CDADC1: variants seen among roughly 807,000 people sequenced by gnomAD.
The protein encoded by CDADC1 is cytidine and dCMP deaminase domain containing 1.
CDADC1 carries 39 observed loss-of-function variants against 54.9 expected under a neutral mutation model. The observed-to-expected ratio is 0.71, with a 90% CI of 0.55 to 0.93. The LOEUF is 0.93. Among genes scored for constraint, CDADC1 ranks in the 40% least tolerant of loss-of-function variants. The probability of loss-of-function intolerance (pLI) is 0.00; values close to 1 mark genes in which losing one functional copy is unlikely to be tolerated. For missense variants in CDADC1, 518 were observed against 618.8 expected, an observed-to-expected ratio of 0.84 and a Z score of 1.73; for synonymous variants, 186 against 204.0, an observed-to-expected ratio of 0.91 and a Z score of 0.75.
At chr13:49,276,870 C>G (rs946466561) in intron 6 of CDADC1, among the ~76,000 whole-genome samples, 1 of 152,196 alleles carries the variant, frequency 6.6e-6, no homozygotes, top group Non-Finnish European at 1.5e-5. Context: ...GTGGTTGGAA[C>G]TCTCATTTGT....
Position 49,291,721 on chromosome 13 carries a change from G to T in CDADC1, c.1509G>T (p.Gln503His). Residue 503 changes from glutamine (Q) to histidine (H), a missense_variant, in exon 10 of 10, where the codon CAG (glutamine) becomes CAT (histidine). Gln to His is a conservative substitution (Grantham distance 24). Transcript: ENST00000251108. ...VLRPVPQKEE[Q>H]HQDKKLRLGI... ...GACCTGTCCCACAGAAGGAAGAGCA[G>T]CACCAGGACAAGAAGCTGCGCCTCG... The T allele has an allele frequency of 6.2e-7, 1 of 1,614,130 alleles. No homozygotes were observed.
Position 49,247,959 on chromosome 13 carries a change from C to T in CDADC1, c.-79C>T. ...TTGCCTTACAGTTGCTGAGAGGAGGCGAGAGGCGGGGGCGCTAGGGCCGAG... is the reference window on the plus strand; with the variant it reads ...TTGCCTTACAGTTGCTGAGAGGAGGTGAGAGGCGGGGGCGCTAGGGCCGAG... On this transcript the variant is annotated 5_prime_UTR_variant, in exon 1 of 10. Coordinates refer to ENST00000251108, the MANE Select transcript of CDADC1 (RefSeq NM_030911.4). 2 of 1,314,074 alleles carry T rather than the reference C, an allele frequency of 1.5e-6. No individual in the cohort carries two copies. Among genetic ancestry groups the T allele is most frequent in the Non-Finnish European group, 2.1e-6 (2 of 932,238 alleles). The allele number at this position is 1,314,074 out of a possible 1,614,324, so 81.4% of individuals were successfully genotyped here. A position where few individuals can be genotyped will look rare whatever the true frequency, so the allele number is the denominator to read the frequency against.
chr13:49,258,238 T>G (rs1260594402), intron 3 of CDADC1, among the ~76,000 whole-genome samples: 1 of 152,206 alleles, frequency 6.6e-6, no homozygotes, highest in African/African-American at 2.4e-5. Context: ...TGATTTCAGA[T>G]ATGCTGTATT....
rs1234393403 is a variant in CDADC1, at chr13:49,292,331, A to G, written c.*574A>G. ...TCCATTTTTAAAGTATATTTTGTAA[A>G]TGTTAATTCTGTGGTCCTGTTTATC... On this transcript the variant is annotated 3_prime_UTR_variant, in exon 10 of 10. Coordinates refer to ENST00000251108, the MANE Select transcript of CDADC1 (RefSeq NM_030911.4). 5.1e-6 allele frequency: 5 copies of G among 984,726 alleles called. No individual in the cohort carries two copies. Among genetic ancestry groups the G allele is most frequent in the African/African-American group, 1.8e-5 (1 of 57,132 alleles). 61.0% of individuals were successfully genotyped at this position (984,726 alleles called of 1,614,324 possible). A position where few individuals can be genotyped will look rare whatever the true frequency, so the allele number is the denominator to read the frequency against.
chr13:49,268,441 G>A (rs1293861101), intron 5 of CDADC1, among the ~76,000 whole-genome samples: 2 of 152,060 alleles, frequency 1.3e-5, no homozygotes, highest in Admixed American at 6.6e-5. Flanking sequence ...CAGGAGGATC[G>A]CTTGAGCTCA....
chr13:49,268,550 G>A (rs532932603), intron 5 of CDADC1, among the ~76,000 whole-genome samples: 21 of 152,038 alleles, frequency 1.4e-4, no homozygotes, highest in Admixed American at 9.2e-4. Flanking sequence ...CTATAGTCCC[G>A]GCTACTTGGG....
At chr13:49,283,098 T>C (rs1283941089) in intron 8 of CDADC1, among the ~76,000 whole-genome samples, 1 of 152,218 alleles carries the variant, frequency 6.6e-6, no homozygotes, top group East Asian at 1.9e-4. Context: ...ACCGTTTATA[T>C]ATTTCAGCTT....
intron 6 of CDADC1, among the ~76,000 whole-genome samples, chr13:49,276,778 C>A (rs963815837): frequency 6.6e-6 from 1 of 152,220 alleles, no homozygotes; most frequent in Non-Finnish European, 1.5e-5. Flanking sequence ...TTCTTACCCT[C>A]CCCAGACTAG....
At chr13:49,248,838 C>G in intron 1 of CDADC1, 33 bp from the exon 2 acceptor site, 1 of 1,363,850 alleles carries the variant, frequency 7.3e-7, no homozygotes, top group African/African-American at 1.4e-5. Flanking sequence ...CCATTAGTAA[C>G]AAAGTTTAAA....
At chr13:49,282,236 G>GGTTTTTTTTTTTTTTTTTTTTTT (rs1555315245) in intron 8 of CDADC1, among the ~76,000 whole-genome samples, 1 of 94,140 alleles carries the variant, frequency 1.1e-5, no homozygotes, top group Admixed American at 1.2e-4. Flanking sequence ...GTTTTTGTGG[G>GGTTTTTTTTTTTTTTTTTTTTTT]TTTTTTTTTT....
At position 49,280,675 on chromosome 13, in the gene CDADC1, C is replaced by G. The variant is rs1953295442; in HGVS notation, c.1387C>G (p.Leu463Val). The change falls in exon 8 of 10, where the codon CTT becomes GTT. Residue 463 changes from leucine to valine, a missense_variant. Coordinates refer to ENST00000251108, the MANE Select transcript of CDADC1 (RefSeq NM_030911.4). ...CATCTCTTACATGAGGTTCGGGGAG[C>G]TTGAAGGTGTTAGCAAATTTACGGT... ...ADISYMRFGE[L>V]EGVSKFTWQL... The G allele has an allele frequency of 1.3e-6, 2 of 1,576,324 alleles. No individual in the cohort carries two copies. The highest frequency in any genetic ancestry group is 1.7e-6 in the Non-Finnish European group (2 of 1,165,190).
Position 49,248,108 on chromosome 13 carries a change from GC to G in CDADC1, c.72del (p.Ser25AlafsTer2), listed in dbSNP as rs1184418990. The G allele has an allele frequency of 1.3e-6, 2 of 1,551,942 alleles. No individual in the cohort carries two copies. The highest frequency in any genetic ancestry group is 1.7e-6 in the Non-Finnish European group (2 of 1,147,308). ...RAGRSVSTQT[G>X]SMTGQIPRLS... is the part of the protein sequence containing the mutation. Reference sequence around the variant, plus strand: ...GGGCGGTCAGTCAGCACCCAGACTGGCAGCATGACCGGTGAGTGTCCGGGAC... The same window carrying G: ...GGGCGGTCAGTCAGCACCCAGACTGGAGCATGACCGGTGAGTGTCCGGGAC... On this transcript the variant is annotated frameshift_variant, in exon 1 of 10. Coordinates refer to ENST00000251108, the MANE Select transcript of CDADC1 (RefSeq NM_030911.4). LOFTEE classifies it high-confidence loss of function.
chr13:49,260,378 C>T (rs1952649729), intron 4 of CDADC1, among the ~76,000 whole-genome samples: 2 of 152,228 alleles, frequency 1.3e-5, no homozygotes, highest in Non-Finnish European at 2.9e-5. Flanking sequence ...TCTTCTGTCT[C>T]ATTGCTGTTG....
Position 49,248,963 on chromosome 13 carries a change from C to T in CDADC1, c.175C>T (p.Gln59Ter). 1 of 1,590,944 alleles carries T rather than the reference C, an allele frequency of 6.3e-7. No individual in the cohort carries two copies. Among genetic ancestry groups the T allele is most frequent in the Non-Finnish European group, 8.6e-7 (1 of 1,158,940 alleles). Residue 59 changes from glutamine (Q) to a stop codon, truncating the protein, a stop_gained and splice_region_variant, in exon 2 of 10, where the codon CAG becomes TAG. Coordinates refer to ENST00000251108, the MANE Select transcript of CDADC1 (RefSeq NM_030911.4). LOFTEE classifies it high-confidence loss of function. Reference protein sequence around the residue: ...FPAEAQRQKSQKNEEGKHGPL... With the variant: ...FPAEAQRQKS ...AGCAGAAGCCCAGCGGCAAAAATCT[C>T]AGGTATAATTTGTTTCATAGTTTTT...
intron 3 of CDADC1, among the ~76,000 whole-genome samples, chr13:49,257,770 A>G (rs923928550): frequency 1.3e-5 from 2 of 152,158 alleles, no homozygotes; most frequent in Non-Finnish European, 2.9e-5. Context: ...AAATCAATCA[A>G]TCAATCAATC....
intron 9 of CDADC1, 37 bp from the exon 10 acceptor site, chr13:49,291,647 T>C (rs753370094): frequency 1.8e-5 from 29 of 1,596,144 alleles, no homozygotes; most frequent in Non-Finnish European, 2.3e-5. Flanking sequence ...GGGTTTGAAA[T>C]GAAGCTGTCC....
In CDADC1 at chr13:49,255,844, T is replaced by TTTTTATTA. The variant is rs1566353243; in HGVS notation, c.183_184insTTTTATTA (p.Glu62PhefsTer3). 6.2e-7 allele frequency: 1 copy of TTTTTATTA among 1,610,152 alleles called. No homozygotes were observed. Among genetic ancestry groups the TTTTTATTA allele is most frequent in the South Asian group, 1.1e-5 (1 of 89,966 alleles). On this transcript the variant is annotated frameshift_variant, in exon 3 of 10. Transcript: ENST00000251108. LOFTEE classifies it high-confidence loss of function. ...CTTAATCTGATTTTTATTAGAAAAA[T>TTTTTATTA]GAAGAGGGAAAGCATGGACCCTTAG...
intron 2 of CDADC1, among the ~76,000 whole-genome samples, chr13:49,254,404 CTTTT>C (rs11311095): frequency 4.3e-5 from 5 of 116,216 alleles, no homozygotes; most frequent in Non-Finnish European, 3.8e-5. Flanking sequence ...CTATCCCACC[CTTTT>C]TTTTTTTTTT....
In CDADC1 at chr13:49,282,923, C is replaced by G. The variant is rs1593849097; in HGVS notation, c.1410+2225C>G. ...AACTTCCATGAAACCGGTACCTGGT[C>G]CCTGGTGCCACAAAGGTTGGGGACT... On this transcript the variant is annotated intron_variant, in intron 8 of 9. Coordinates refer to ENST00000251108, the MANE Select transcript of CDADC1 (RefSeq NM_030911.4). 1.3e-5 allele frequency among the ~76,000 whole-genome samples: 2 copies of G among 152,348 alleles called. 1 individual carries two copies. Among genetic ancestry groups the G allele is most frequent in the Admixed American group, 1.3e-4 (2 of 15,304 alleles).
Sources: allele counts gnomAD v4.1 joint callset (sites outside exome capture counted in the v4.1 genomes callset), GRCh38; gene constraint gnomAD v4.1.1; transcripts MANE v1.5; gene names NCBI Gene and HGNC (gene_info 2026-07-23, HGNC 2026-07-21).